Variants in PIP5K1A observed in about 807,000 individuals in gnomAD.
PIP5K1A encodes the protein phosphatidylinositol 4-phosphate 5-kinase type-1 alpha.
In PIP5K1A, 46 loss-of-function variants were observed where a neutral mutation model predicts 72.9. That is an observed-to-expected ratio of 0.63 (90% confidence interval 0.50 to 0.81). PIP5K1A has a LOEUF of 0.81. Ranked by LOEUF, PIP5K1A falls within the 30% of genes least tolerant of loss-of-function variation. The probability of loss-of-function intolerance (pLI) is 0.00; values close to 1 mark genes in which losing one functional copy is unlikely to be tolerated. For synonymous variants in PIP5K1A, 228 were observed against 255.1 expected (o/e 0.89, Z 1.01); for missense variants, 458 against 706.1 (o/e 0.65, Z 3.98).
chr1:151,199,893 C>T (rs897061460), intron 1 of PIP5K1A, among the ~76,000 whole-genome samples: 3 of 152,050 alleles, frequency 2.0e-5, no homozygotes, highest in Admixed American at 6.6e-5. Context: ...TCTTTTCCCT[C>T]AGATACTCCC....
At chr1:151,238,017 G>A (rs587730972) in intron 9 of PIP5K1A, among the ~76,000 whole-genome samples, 165 bp from the exon 10 acceptor site, 1 of 152,118 alleles carries the variant, frequency 6.6e-6, no homozygotes, top group East Asian at 1.9e-4. Context: ...ATTTTCTCCT[G>A]TTTTTTTAAT....
At chr1:151,232,980 G>A (rs772669353) in intron 7 of PIP5K1A, among the ~76,000 whole-genome samples, 1 of 151,388 alleles carries the variant, frequency 6.6e-6, no homozygotes, top group African/African-American at 2.4e-5. Flanking sequence ...GGCGCCTGTA[G>A]TCCCAGCTAC....
intron 1 of PIP5K1A, among the ~76,000 whole-genome samples, chr1:151,205,528 C>G (rs587696299): frequency 4.0e-5 from 6 of 151,192 alleles, no homozygotes; most frequent in African/African-American, 1.5e-4. Context: ...GAACAAGAGC[C>G]GGGCATGGTG....
chr1:151,207,118 C>T (rs1558237525), intron 1 of PIP5K1A, among the ~76,000 whole-genome samples: 1 of 152,154 alleles, frequency 6.6e-6, no homozygotes, highest in Non-Finnish European at 1.5e-5. Context: ...GATCTGCCCG[C>T]CTTGGCCTCC....
chr1:151,242,493 C>G lies in PIP5K1A; in HGVS notation c.1566C>G (p.Ile522Met). 1 of 1,613,754 alleles carries G rather than the reference C, an allele frequency of 6.2e-7. No individual in the cohort carries two copies. Among genetic ancestry groups the G allele is most frequent in the Non-Finnish European group, 8.5e-7 (1 of 1,179,630 alleles). Residue 522 changes from isoleucine to methionine, a missense_variant, in exon 14 of 16, where the codon ATC becomes ATG. Physicochemically the swap from Ile to Met is conservative, Grantham distance 10. Transcript: ENST00000368888. Reference protein sequence around the residue: ...VLPQTPPLEEISEGSPIPDPS... With the variant: ...VLPQTPPLEEMSEGSPIPDPS... ...CTCAGACTCCACCTTTGGAGGAAATCAGTGAGGGCTCGCCTATTCCTGACC... is the reference window on the plus strand; with the variant it reads ...CTCAGACTCCACCTTTGGAGGAAATGAGTGAGGGCTCGCCTATTCCTGACC...
chr1:151,225,125 A>G (rs1688917733), intron 3 of PIP5K1A, among the ~76,000 whole-genome samples: 2 of 152,196 alleles, frequency 1.3e-5, no homozygotes, highest in Admixed American at 1.3e-4. Flanking sequence ...GCTTGAGGCC[A>G]GGAGATCGAG....
intron 1 of PIP5K1A, among the ~76,000 whole-genome samples, chr1:151,211,935 C>T (rs895693622): frequency 9.9e-5 from 15 of 151,656 alleles, no homozygotes; most frequent in African/African-American, 3.4e-4. Context: ...AACCCCGTCT[C>T]TACTAAAAAC....
intron 1 of PIP5K1A, among the ~76,000 whole-genome samples, chr1:151,216,863 TTTA>T (rs1198943822): frequency 6.6e-6 from 1 of 151,672 alleles, no homozygotes; most frequent in African/African-American, 2.4e-5. Flanking sequence ...CTAGAGAAAT[TTTA>T]ACCAACCTAC....
chr1:151,201,358 T>G (rs1389057841), intron 1 of PIP5K1A, among the ~76,000 whole-genome samples: 7 of 139,696 alleles, frequency 5.0e-5, no homozygotes, highest in Admixed American at 2.1e-4. Context: ...GTTTTTGTGG[T>G]TTTTTTTTTG....
intron 1 of PIP5K1A, among the ~76,000 whole-genome samples, chr1:151,210,276 G>A (rs765557301): frequency 6.0e-5 from 9 of 149,382 alleles, no homozygotes; most frequent in Non-Finnish European, 1.3e-4. Context: ...GCTCACTGTA[G>A]CCTCAAACTC....
chr1:151,213,158 G>C (rs1047048710), intron 1 of PIP5K1A, among the ~76,000 whole-genome samples: 18 of 152,100 alleles, frequency 1.2e-4, no homozygotes, highest in African/African-American at 3.4e-4. Flanking sequence ...CAAAGTGCTG[G>C]GATTACAGGT....
At position 151,201,159 on chromosome 1, in the gene PIP5K1A, C is replaced by T. The variant is rs1016487156; in HGVS notation, c.85+2078C>T. 5.3e-5 allele frequency among the ~76,000 whole-genome samples: 8 copies of T among 152,070 alleles called. No homozygotes were observed. In the South Asian group the frequency reaches 1.7e-3, roughly 32 times the overall value. ...TGGGTTTTTATTTTTAATAGAGTAG[C>T]TCCTTAATTTGAAACCTGCTTCCCC... is the stretch of plus-strand genomic sequence containing the variant. On this transcript the variant is annotated intron_variant, in intron 1 of 15. Coordinates refer to ENST00000368888, the MANE Select transcript of PIP5K1A (RefSeq NM_001135638.2).
chr1:151,224,825 C>G lies in PIP5K1A; in HGVS notation c.156+419C>G, dbSNP rs1688875688. On this transcript the variant is annotated intron_variant, in intron 3 of 15. Transcript: ENST00000368888. ...TTGTCCAGAATATCGCCATTTTGCTCAACTTTCTTCCCATGGTGTATTTCC... is the reference window on the plus strand; with the variant it reads ...TTGTCCAGAATATCGCCATTTTGCTGAACTTTCTTCCCATGGTGTATTTCC... Among the ~76,000 whole-genome samples, 4 of 152,164 alleles carry G rather than the reference C, an allele frequency of 2.6e-5. No homozygotes were observed. In the South Asian group the frequency reaches 8.3e-4, roughly 31 times the overall value.
intron 1 of PIP5K1A, among the ~76,000 whole-genome samples, chr1:151,214,923 G>A (rs2102211306): frequency 6.6e-6 from 1 of 151,666 alleles, no homozygotes; most frequent in East Asian, 1.9e-4. Context: ...TCACCATGTT[G>A]CCCAGGCTGG....
chr1:151,220,507 G>A (rs1688268336), intron 1 of PIP5K1A, among the ~76,000 whole-genome samples: 1 of 148,146 alleles, frequency 6.8e-6, no homozygotes, highest in South Asian at 2.1e-4. Context: ...TCACTCTTTC[G>A]CCCAGGCAGG....
chr1:151,221,729 C>T (rs1688425285), intron 1 of PIP5K1A, among the ~76,000 whole-genome samples: 1 of 152,160 alleles, frequency 6.6e-6, no homozygotes, highest in Non-Finnish European at 1.5e-5. Flanking sequence ...TTCTGTTGAA[C>T]AGTATTCTGG....
At position 151,214,437 on chromosome 1, in the gene PIP5K1A, G is replaced by A. The variant is rs148222167; in HGVS notation, c.86-9808G>A. 4.4e-3 allele frequency among the ~76,000 whole-genome samples: 672 copies of A among 151,670 alleles called. 6 individuals carry two copies. Among genetic ancestry groups the A allele is most frequent in the Middle Eastern group, 0.014 (4 of 294 alleles). On this transcript the variant is annotated intron_variant, in intron 1 of 15. Transcript: ENST00000368888. ...GCTCTGTTGCCCAGGCTGGATTTCA[G>A]TGACCCCATCTCGGCTCACTGCTGC... is the stretch of plus-strand genomic sequence containing the variant.
At chr1:151,241,022 G>T (rs768180473) in intron 12 of PIP5K1A, among the ~76,000 whole-genome samples, 2 of 151,994 alleles carry the variant, frequency 1.3e-5, no homozygotes, top group African/African-American at 4.8e-5. Flanking sequence ...AAAATTAGCC[G>T]GGTGGTGGTG....
chr1:151,210,213 C>G (rs924469950), intron 1 of PIP5K1A, among the ~76,000 whole-genome samples: 1 of 146,728 alleles, frequency 6.8e-6, no homozygotes, highest in Non-Finnish European at 1.5e-5. Flanking sequence ...TTTTTTTCCT[C>G]GAGACTGGAT....
Sources: allele counts gnomAD v4.1 joint callset (sites outside exome capture counted in the v4.1 genomes callset), GRCh38; gene constraint gnomAD v4.1.1; transcripts MANE v1.5; gene names NCBI Gene and HGNC (gene_info 2026-07-23, HGNC 2026-07-21).